The following MAP3K21 variants were observed in gnomAD, a reference collection of about 807,000 sequenced individuals.
MAP3K21 encodes mitogen-activated protein kinase kinase kinase 21.
Under a neutral mutation model 86.1 loss-of-function variants are expected in MAP3K21, and 63 were observed. The observed-to-expected ratio is 0.73, with a 90% CI of 0.60 to 0.90. MAP3K21 has a LOEUF of 0.90. Among genes scored for constraint, MAP3K21 ranks in the 40% least tolerant of loss-of-function variants. The probability of loss-of-function intolerance (pLI) is 0.00; values close to 1 mark genes in which losing one functional copy is unlikely to be tolerated. For missense variants in MAP3K21, 1,220 were observed against 1,367.7 expected (o/e 0.89, Z 1.70); for synonymous variants, 558 against 564.8 (o/e 0.99, Z 0.17).
Position 233,351,628 on chromosome 1 carries a change from C to T in MAP3K21, c.987-2179C>T, listed in dbSNP as rs1324719801. ...AGAATCACTTGAACCCAGGAGGTGG[C>T]GGAGGTTGCAGTGAGCTGAGATCGC... On this transcript the variant is annotated intron_variant, in intron 2 of 9. Coordinates refer to ENST00000366624, the MANE Select transcript of MAP3K21 (RefSeq NM_032435.3). 2.0e-5 allele frequency among the ~76,000 whole-genome samples: 3 copies of T among 148,878 alleles called. No homozygotes were observed. The South Asian group carries it at 6.3e-4, about 31-fold the overall frequency.
chr1:233,354,101 A>G, intron 3 of MAP3K21, 146 bp downstream of exon 3: 1 of 1,022,314 alleles, frequency 9.8e-7, no homozygotes, highest in East Asian at 2.9e-5. Flanking sequence ...TTGGAAACCT[A>G]GTCTTTGATC....
intron 1 of MAP3K21, among the ~76,000 whole-genome samples, chr1:233,330,660 A>G (rs1469526153): frequency 6.6e-6 from 1 of 152,174 alleles, no homozygotes. Flanking sequence ...ACAGAACCCA[A>G]CATTCTGCAA....
intron 1 of MAP3K21, among the ~76,000 whole-genome samples, chr1:233,345,995 T>A (rs1663133061): frequency 6.6e-6 from 1 of 152,210 alleles, no homozygotes; most frequent in Admixed American, 6.5e-5. Flanking sequence ...ATAAGCACTT[T>A]GCAAATTTAA....
intron 1 of MAP3K21, among the ~76,000 whole-genome samples, chr1:233,331,012 G>A (rs530976019): frequency 3.2e-4 from 49 of 152,046 alleles, no homozygotes; most frequent in South Asian, 1.5e-3. Context: ...ATTATTAAAT[G>A]GTAAAAAGAA....
chr1:233,352,905 C>G (rs1442270027), intron 2 of MAP3K21, among the ~76,000 whole-genome samples: 1 of 152,172 alleles, frequency 6.6e-6, no homozygotes, highest in Admixed American at 6.5e-5. Context: ...ACTTGGATAG[C>G]AGAAGAGAAT....
intron 5 of MAP3K21, among the ~76,000 whole-genome samples, chr1:233,365,937 A>G (rs957745123): frequency 1.3e-5 from 2 of 152,244 alleles, no homozygotes; most frequent in African/African-American, 4.8e-5. Flanking sequence ...TAAGGAATCA[A>G]TCTAAGTGTC....
intron 4 of MAP3K21, among the ~76,000 whole-genome samples, chr1:233,361,309 A>G (rs773799166): frequency 1.3e-5 from 2 of 152,258 alleles, no homozygotes. Context: ...AATCAGTATC[A>G]TAAGAGAGGA....
At chr1:233,343,024 T>C (rs531084426) in intron 1 of MAP3K21, among the ~76,000 whole-genome samples, 2 of 152,302 alleles carry the variant, frequency 1.3e-5, no homozygotes, top group South Asian at 4.1e-4. Context: ...ACAGTATTTA[T>C]TCAGTATCAA....
Position 233,376,002 on chromosome 1 carries a change from A to G in MAP3K21, c.1762A>G (p.Lys588Glu), listed in dbSNP as rs1333707877. The change falls in exon 7 of 10, where the codon AAA becomes GAA. Residue 588 changes from lysine (K) to glutamate (E), a missense_variant. This residue lies in a region of MAP3K21 where 632 missense variants were observed against 691.3 expected (regional missense o/e 0.91). Coordinates refer to ENST00000366624, the MANE Select transcript of MAP3K21 (RefSeq NM_032435.3). ...TGAGGATGTAAAAAGGAATTTTAAG[A>G]AAAAAGGTTGTACCTGGGGACCAAA... ...EFEDVKRNFK[K>E]KGCTWGPNSI... 16 of 1,607,914 alleles carry G rather than the reference A, an allele frequency of 1.0e-5. No homozygotes were observed. The East Asian group carries it at 3.4e-4, about 34-fold the overall frequency.
intron 7 of MAP3K21, 58 bp from the exon 8 acceptor site, chr1:233,376,372 A>T (rs1572257765): frequency 2.4e-6 from 3 of 1,237,058 alleles, no homozygotes; most frequent in Admixed American, 1.8e-5. Context: ...ATCCACCAAA[A>T]CCTAATTGGT....
At chr1:233,335,214 G>C (rs1662889855) in intron 1 of MAP3K21, among the ~76,000 whole-genome samples, 1 of 152,036 alleles carries the variant, frequency 6.6e-6, no homozygotes, top group Non-Finnish European at 1.5e-5. Flanking sequence ...AGGGTTTTGT[G>C]GGGGACCTGG....
At chr1:233,333,695 G>T (rs574439701) in intron 1 of MAP3K21, among the ~76,000 whole-genome samples, 1 of 152,086 alleles carries the variant, frequency 6.6e-6, no homozygotes, top group Admixed American at 6.6e-5. Context: ...GATCAGTTTT[G>T]TAATCATTAT....
intron 1 of MAP3K21, among the ~76,000 whole-genome samples, chr1:233,342,580 T>A (rs1663055413): frequency 6.6e-6 from 1 of 152,216 alleles, no homozygotes; most frequent in Non-Finnish European, 1.5e-5. Flanking sequence ...CATAGCTTTG[T>A]TAGAGAAGTC....
intron 2 of MAP3K21, among the ~76,000 whole-genome samples, chr1:233,347,330 T>C (rs1572244047): frequency 6.6e-6 from 1 of 152,342 alleles, no homozygotes; most frequent in Admixed American, 6.5e-5. Context: ...AGTCTCCTAT[T>C]TGAAGACTGG....
intron 6 of MAP3K21, chr1:233,373,127 C>T (rs1663721351): frequency 6.6e-6 from 1 of 152,116 alleles, no homozygotes; most frequent in African/African-American, 2.4e-5. Flanking sequence ...AGTTTTAGAG[C>T]TTAAAGGACT....
chr1:233,365,379 C>T (rs905970589), intron 5 of MAP3K21, among the ~76,000 whole-genome samples: 1 of 152,194 alleles, frequency 6.6e-6, no homozygotes, highest in Non-Finnish European at 1.5e-5. Flanking sequence ...AACTATTCAT[C>T]TGACAAGGGA....
chr1:233,330,778 T>A (rs1396275182), intron 1 of MAP3K21, among the ~76,000 whole-genome samples: 1 of 152,240 alleles, frequency 6.6e-6, no homozygotes, highest in Non-Finnish European at 1.5e-5. Context: ...TAGTTTTGTT[T>A]GGTTGCAATA....
chr1:233,328,296 G>C lies in MAP3K21; in HGVS notation c.268G>C (p.Gly90Arg). Reference protein sequence around the residue: ...WWAGQVQRRLGIFPANYVAPC... With the variant: ...WWAGQVQRRLRIFPANYVAPC... ...GGCAGGCCAGGTGCAGCGGCGCCTC[G>C]GCATCTTCCCCGCCAACTACGTGGC... Residue 90 changes from glycine to arginine, a missense_variant, in exon 1 of 10, where the codon GGC (glycine) becomes CGC (arginine). This residue lies in a region of MAP3K21 where 369 missense variants were observed against 385.3 expected (regional missense o/e 0.96). Coordinates refer to ENST00000366624, the MANE Select transcript of MAP3K21 (RefSeq NM_032435.3). This position sits in a 1 kb window ranked among gnomAD's most constrained non-coding sequence, Gnocchi z 8.7. 3.4e-6 allele frequency: 5 copies of C among 1,486,360 alleles called. No homozygotes were observed. Among genetic ancestry groups the C allele is most frequent in the Non-Finnish European group, 4.4e-6 (5 of 1,126,158 alleles). The allele number at this position is 1,486,360 out of a possible 1,614,324, so 92.1% of individuals were successfully genotyped here. A position where few individuals can be genotyped will look rare whatever the true frequency, so the allele number is the denominator to read the frequency against.
intron 2 of MAP3K21, among the ~76,000 whole-genome samples, chr1:233,347,320 A>T (rs1162714116): frequency 6.6e-6 from 1 of 152,222 alleles, no homozygotes; most frequent in Non-Finnish European, 1.5e-5. Context: ...TAAAGATTAA[A>T]GTCTCCTATT....
Sources: gnomAD v4.1 joint callset for allele counts (sites outside exome capture counted in the v4.1 genomes callset) on GRCh38, gnomAD v4.1.1 for gene constraint, gnomAD v4.1.1 regional missense constraint, Gnocchi (gnomAD v3.1) non-coding constraint, MANE v1.5 for transcripts, NCBI Gene and HGNC (gene_info 2026-07-23, HGNC 2026-07-21) for gene names.